The following TMIGD3 variants were observed in gnomAD, a reference collection of about 807,000 sequenced individuals.
The protein encoded by TMIGD3 is transmembrane and immunoglobulin domain containing 3, also known as AD026 protein (AD026).
A neutral mutation model predicts 28.1 loss-of-function variants in TMIGD3; 21 were observed. The observed-to-expected ratio is 0.75, with a 90% confidence interval of 0.53 to 1.08. The LOEUF (loss-of-function observed/expected upper bound fraction) is 1.08. Ranked by LOEUF, TMIGD3 falls within the 50% of genes least tolerant of loss-of-function variation. TMIGD3 has a pLI of 0.00. For synonymous variants in TMIGD3, 151 were observed against 162.1 expected (o/e 0.93, Z 0.52); for missense variants, 416 against 435.6 (o/e 0.96, Z 0.40).
At chr1:111,536,890 A>G (rs72975056) in intron 1 of TMIGD3, among the ~76,000 whole-genome samples, 2,833 of 152,164 alleles carry the variant, frequency 0.019, 79 homozygotes, top group African/African-American at 0.065. Context: ...CAAGAACTAC[A>G]TGGTTGCCTC....
chr1:111,525,240 G>A (rs1182275111), intron 1 of TMIGD3, among the ~76,000 whole-genome samples: 2 of 152,128 alleles, frequency 1.3e-5, no homozygotes, highest in African/African-American at 2.4e-5. Context: ...CTGTCTACTT[G>A]TTCTAAAATT....
At chr1:111,507,555 CCAGTT>C (rs1170412429), upstream of TMIGD3, among the ~76,000 whole-genome samples, 1 of 152,152 alleles carries the variant, frequency 6.6e-6, no homozygotes, top group Non-Finnish European at 1.5e-5. Context: ...CTAAAAAACC[CCAGTT>C]GCCAGCCTAC....
chr1:111,497,025 AG>A (rs1227295375), intron 1 of TMIGD3, among the ~76,000 whole-genome samples: 1 of 152,186 alleles, frequency 6.6e-6, no homozygotes, highest in Non-Finnish European at 1.5e-5. Context: ...TTATTCCTTT[AG>A]AATAAAAGCC....
intron 1 of TMIGD3, among the ~76,000 whole-genome samples, chr1:111,492,579 G>A (rs962081036): frequency 2.6e-5 from 4 of 152,134 alleles, no homozygotes; most frequent in Admixed American, 2.6e-4. Flanking sequence ...ACTTTGGGAG[G>A]CTGAGGTGGG....
chr1:111,558,625 A>C (rs1657609858), intron 1 of TMIGD3, among the ~76,000 whole-genome samples: 3 of 151,806 alleles, frequency 2.0e-5, no homozygotes, highest in African/African-American at 2.4e-5. Context: ...TGTAGTTATA[A>C]TACATGACTA....
chr1:111,561,867 A>G (rs1657753598), intron 1 of TMIGD3, among the ~76,000 whole-genome samples: 1 of 152,032 alleles, frequency 6.6e-6, no homozygotes, highest in African/African-American at 2.4e-5. Flanking sequence ...ACTCAGGGCC[A>G]AGCATTTTTG....
chr1:111,538,688 C>T (rs1023386752), intron 1 of TMIGD3, among the ~76,000 whole-genome samples: 5 of 152,224 alleles, frequency 3.3e-5, no homozygotes, highest in African/African-American at 1.2e-4. Context: ...CTCAAGAATT[C>T]GAGAATTGAA....
In TMIGD3 at chr1:111,490,896, C is replaced by A. The variant is rs578171040; in HGVS notation, c.351-134G>T. 7 of 645,664 alleles carry A rather than the reference C, an allele frequency of 1.1e-5. No homozygotes were observed. In the South Asian group the frequency reaches 1.3e-4, roughly 12 times the overall value. 40.0% of individuals were successfully genotyped at this position (645,664 alleles called of 1,614,324 possible). Reference sequence around the variant, plus strand: ...AGATACACTGCACAATGCACCATACCACATGCTCTTCATAGACATAAACTT... The same window carrying A: ...AGATACACTGCACAATGCACCATACAACATGCTCTTCATAGACATAAACTT... On this transcript the variant is annotated intron_variant, in intron 1 of 5. Transcript: ENST00000369716.
rs200170165 is a variant in TMIGD3, at chr1:111,542,891, T to A, written c.107+20955A>T. Among the ~76,000 whole-genome samples the A allele has an allele frequency of 5.9e-5, 9 of 152,226 alleles. No individual in the cohort carries two copies. In the East Asian group the frequency reaches 1.5e-3, roughly 26 times the overall value. ...TTTGCATTTTTAATAGAGATGGGGT[T>A]TCACCATGTTGGGCAGGCTGGTCTC... On this transcript the variant is annotated intron_variant, in intron 1 of 5. Transcript: ENST00000369717.
At chr1:111,526,724 G>A (rs977743450) in intron 1 of TMIGD3, among the ~76,000 whole-genome samples, 4 of 152,158 alleles carry the variant, frequency 2.6e-5, no homozygotes, top group Non-Finnish European at 5.9e-5. Flanking sequence ...CACTGTTGAT[G>A]TTGTTCATTC....
chr1:111,526,643 C>T (rs1272490765), intron 1 of TMIGD3, among the ~76,000 whole-genome samples: 3 of 152,318 alleles, frequency 2.0e-5, no homozygotes, highest in Non-Finnish European at 2.9e-5. Context: ...CACAGTGGTA[C>T]ATTTATTATA....
At chr1:111,548,978 C>CA (rs1465828093) in intron 1 of TMIGD3, among the ~76,000 whole-genome samples, 6 of 152,146 alleles carry the variant, frequency 3.9e-5, no homozygotes, top group Admixed American at 2.6e-4. Context: ...CATTTTAGTG[C>CA]AAAAAATTGA....
chr1:111,546,515 C>G (rs1371027643), intron 1 of TMIGD3, among the ~76,000 whole-genome samples: 3 of 152,146 alleles, frequency 2.0e-5, no homozygotes, highest in African/African-American at 7.2e-5. Flanking sequence ...AGTGAAATCA[C>G]ATAATACTTG....
chr1:111,522,935 A>G lies in TMIGD3; in HGVS notation c.108-32173T>C, dbSNP rs1656129477. Among the ~76,000 whole-genome samples the G allele has an allele frequency of 2.0e-5, 3 of 152,346 alleles. No individual in the cohort carries two copies. The South Asian group carries it at 6.2e-4, about 32-fold the overall frequency. On this transcript the variant is annotated intron_variant, in intron 1 of 5. Coordinates refer to the TMIGD3 transcript ENST00000369717. ...ACAGGCAATCATTTCACCTGCAAAA[A>G]AAGAAGTCATACTCATCCCTTTTCA...
chr1:111,558,238 C>G (rs957293693), intron 1 of TMIGD3, among the ~76,000 whole-genome samples: 4 of 152,050 alleles, frequency 2.6e-5, no homozygotes, highest in African/African-American at 9.7e-5. Context: ...AGTGCAGTGG[C>G]GCAATCTTGG....
chr1:111,535,177 T>C (rs1571444531), intron 1 of TMIGD3, among the ~76,000 whole-genome samples: 1 of 152,224 alleles, frequency 6.6e-6, no homozygotes, highest in East Asian at 1.9e-4. Context: ...ACCTCAACAG[T>C]GCCTGACACT....
chr1:111,512,248 G>A (rs1260024636), intron 1 of TMIGD3, among the ~76,000 whole-genome samples: 2 of 152,176 alleles, frequency 1.3e-5, no homozygotes, highest in East Asian at 3.9e-4. Flanking sequence ...TGCCCTTCAG[G>A]CCCTCTCAAG....
Position 111,542,283 on chromosome 1 carries a change from C to A in TMIGD3, c.107+21563G>T, listed in dbSNP as rs1012815379. 8.7e-6 allele frequency: 5 copies of A among 572,512 alleles called. No individual in the cohort carries two copies. The African/African-American group carries it at 9.5e-5, about 11-fold the overall frequency. 35.5% of individuals were successfully genotyped at this position (572,512 alleles called of 1,614,324 possible). On this transcript the variant is annotated intron_variant, in intron 1 of 5. Transcript: ENST00000369717. ...AGGCCGTATTTCAGGATCAGACCTG[C>A]CGGTTCGAACACACGCGACAAGAGC... is the stretch of plus-strand genomic sequence containing the variant.
At chr1:111,527,006 CTTTT>C (rs71580580) in intron 1 of TMIGD3, among the ~76,000 whole-genome samples, 1 of 87,732 alleles carries the variant, frequency 1.1e-5, no homozygotes, top group African/African-American at 4.6e-5. Flanking sequence ...TCCTCAATGT[CTTTT>C]TTTTTTTTTT....
Sources: gnomAD v4.1 joint callset for allele counts (sites outside exome capture counted in the v4.1 genomes callset) on GRCh38, gnomAD v4.1.1 for gene constraint, MANE v1.5 for transcripts, NCBI Gene and HGNC (gene_info 2026-07-23, HGNC 2026-07-21) for gene names.